Variants in DTWD2 observed in about 807,000 individuals in gnomAD.
DTWD2 encodes DTW motif tRNA-uridine aminocarboxypropyltransferase 2, also known as tRNA-uridine aminocarboxypropyltransferase 2.
A neutral mutation model predicts 31.8 loss-of-function variants in DTWD2; 39 were observed. That is an observed-to-expected ratio of 1.22 (90% CI 0.95 to 1.60). The LOEUF (loss-of-function observed/expected upper bound fraction) is 1.60. Ranked by LOEUF, DTWD2 falls within the 40% of genes most tolerant of loss-of-function variation. The probability of loss-of-function intolerance (pLI) is 0.00; values close to 1 mark genes in which losing one functional copy is unlikely to be tolerated. For synonymous variants in DTWD2, 180 were observed against 142.8 expected (o/e 1.26, Z -1.86); for missense variants, 515 against 381.5 (o/e 1.35, Z -2.92).
chr5:118,918,283 G>A (rs1561455045), intron 4 of DTWD2, among the ~76,000 whole-genome samples: 1 of 152,014 alleles, frequency 6.6e-6, no homozygotes, highest in Non-Finnish European at 1.5e-5. Context: ...ACATCAAATG[G>A]ACAATCTGAC....
chr5:118,927,997 C>T (rs938171357), intron 4 of DTWD2, among the ~76,000 whole-genome samples: 3 of 152,010 alleles, frequency 2.0e-5, no homozygotes, highest in African/African-American at 7.2e-5. Flanking sequence ...TAATAGTTTA[C>T]TCAGTTGAGT....
At chr5:118,881,575 ACT>A (rs1752740819) in intron 4 of DTWD2, among the ~76,000 whole-genome samples, 1 of 152,198 alleles carries the variant, frequency 6.6e-6, no homozygotes, top group Non-Finnish European at 1.5e-5. Flanking sequence ...CTATAAAGAT[ACT>A]ACCTGAGACT....
In DTWD2 at chr5:118,965,359, T is replaced by C. The variant is rs557039147; in HGVS notation, c.219-20710A>G. Among the ~76,000 whole-genome samples the C allele has an allele frequency of 2.9e-4, 43 of 150,260 alleles. 1 individual carries two copies. In the South Asian group the frequency reaches 8.9e-3, roughly 31 times the overall value. ...CCGTCCGGGAGGTGAGGGGCGCCTC[T>C]GCCCGGCCGCCCCTTCTGGGAAGTG... On this transcript the variant is annotated intron_variant, in intron 1 of 5. Transcript: ENST00000510708.
chr5:118,965,656 G>C (rs1754827778), intron 1 of DTWD2, among the ~76,000 whole-genome samples: 2 of 152,178 alleles, frequency 1.3e-5, no homozygotes, highest in South Asian at 4.1e-4. Flanking sequence ...GGTGCTCTCT[G>C]AAACATGTGC....
At chr5:118,842,451 C>T (rs4895354) in intron 5 of DTWD2, among the ~76,000 whole-genome samples, 53,403 of 151,954 alleles carry the variant, frequency 0.35, 11,582 homozygotes, top group African/African-American at 0.62. Context: ...TACTAGGCAA[C>T]AAACATGAAG....
In DTWD2 at chr5:118,839,461, C is replaced by A. The variant is rs1398339989; in HGVS notation, c.*1456G>T. 1 of 152,062 alleles carries A rather than the reference C, an allele frequency of 6.6e-6. No homozygotes were observed. Among genetic ancestry groups the A allele is most frequent in the African/African-American group, 2.4e-5 (1 of 41,478 alleles). 9.4% of individuals were successfully genotyped at this position (152,062 alleles called of 1,614,324 possible). A position where few individuals can be genotyped will look rare whatever the true frequency, so the allele number is the denominator to read the frequency against. The stretch of plus-strand genomic sequence containing the variant: ...CCTTGATGTCCTGGGCTCCAGCGAT[C>A]CTCCCACCTTAGCCTCCCAAGTAGC... On this transcript the variant is annotated 3_prime_UTR_variant, in exon 6 of 6. Transcript: ENST00000510708.
intron 1 of DTWD2, among the ~76,000 whole-genome samples, chr5:118,962,187 G>A (rs993879703): frequency 2.0e-5 from 3 of 152,010 alleles, no homozygotes; most frequent in South Asian, 2.1e-4. Context: ...GTGGTGAGCC[G>A]AGATCACGCC....
chr5:118,970,252 C>T (rs886099122), intron 1 of DTWD2, among the ~76,000 whole-genome samples: 1 of 152,136 alleles, frequency 6.6e-6, no homozygotes, highest in African/African-American at 2.4e-5. Flanking sequence ...CATGGCAAAA[C>T]CCTGTCTCTA....
chr5:118,918,588 G>A (rs183196055), intron 4 of DTWD2, among the ~76,000 whole-genome samples: 13 of 152,182 alleles, frequency 8.5e-5, no homozygotes, highest in African/African-American at 3.1e-4. Context: ...ACCACAGAAG[G>A]CCTGATGAAG....
At chr5:118,953,741 T>C (rs868150854) in intron 1 of DTWD2, among the ~76,000 whole-genome samples, 8 of 152,306 alleles carry the variant, frequency 5.3e-5, no homozygotes, top group Middle Eastern at 3.4e-3. Context: ...GCTGGACTGC[T>C]ATGCCAGACT....
intron 1 of DTWD2, among the ~76,000 whole-genome samples, chr5:118,970,500 G>A (rs1327141787): frequency 5.9e-5 from 9 of 152,108 alleles, no homozygotes; most frequent in Non-Finnish European, 1.0e-4. Context: ...GAAAAGGACC[G>A]AACCTACAAC....
intron 3 of DTWD2, among the ~76,000 whole-genome samples, chr5:118,936,765 A>G (rs753627036): frequency 1.3e-5 from 2 of 152,166 alleles, no homozygotes; most frequent in African/African-American, 2.4e-5. Flanking sequence ...AATTGACAAT[A>G]AAGAGTAGAA....
At position 118,836,272 on chromosome 5, in the gene DTWD2, A is replaced by ACT. The variant is rs1381902776; in HGVS notation, c.*4643_*4644dup. 6.6e-6 allele frequency among the ~76,000 whole-genome samples: 1 copy of ACT among 152,016 alleles called. No homozygotes were observed. The highest frequency in any genetic ancestry group is 1.5e-5 in the Non-Finnish European group (1 of 68,006). ...ATTTATTTATTTGAGACACTGTCTC[A>ACT]CTCTGTCGCCCAGGCTAGAGTGCAG... On this transcript the variant is annotated 3_prime_UTR_variant, in exon 6 of 6. Coordinates refer to ENST00000510708, the MANE Select transcript of DTWD2 (RefSeq NM_173666.4).
chr5:118,946,721 A>G (rs921368862), intron 1 of DTWD2, among the ~76,000 whole-genome samples: 16 of 152,070 alleles, frequency 1.1e-4, no homozygotes, highest in Admixed American at 2.0e-4. Flanking sequence ...TAAGTCTACA[A>G]ACATTAGCTT....
At chr5:118,859,645 T>C (rs1379507591) in intron 4 of DTWD2, among the ~76,000 whole-genome samples, 20 of 152,192 alleles carry the variant, frequency 1.3e-4, no homozygotes. Context: ...TTTATGTAAA[T>C]GATTTATTAA....
At chr5:118,987,960 T>C (rs1475647228) in intron 1 of DTWD2, among the ~76,000 whole-genome samples, 2 of 152,230 alleles carry the variant, frequency 1.3e-5, no homozygotes, top group East Asian at 1.9e-4. Context: ...GCCACTTAAA[T>C]ATGACTGTGT....
At position 118,971,123 on chromosome 5, in the gene DTWD2, C is replaced by A. The variant is rs548816208; in HGVS notation, c.218+17171G>T. Among the ~76,000 whole-genome samples, 155 of 152,256 alleles carry A rather than the reference C, an allele frequency of 1.0e-3. 1 individual carries two copies. The highest frequency in any genetic ancestry group is 3.6e-3 in the African/African-American group (151 of 41,552). The stretch of plus-strand genomic sequence containing the variant: ...CTAGCTTCATGATGACAGGATCAAA[C>A]TCACACATAACAATATTAACCTTAA... On this transcript the variant is annotated intron_variant, in intron 1 of 5. Coordinates refer to ENST00000510708, the MANE Select transcript of DTWD2 (RefSeq NM_173666.4).
In DTWD2 at chr5:118,893,489, T is replaced by C. The variant is rs145236025; in HGVS notation, c.597+35048A>G. Reference sequence around the variant, plus strand: ...AGAAGCCAATGAAATTGATTACCCATAGAGGATATGTGGAAATAAGAAAGA... The same window carrying C: ...AGAAGCCAATGAAATTGATTACCCACAGAGGATATGTGGAAATAAGAAAGA... On this transcript the variant is annotated intron_variant, in intron 4 of 5. Transcript: ENST00000510708. Among the ~76,000 whole-genome samples the C allele has an allele frequency of 3.6e-3, 538 of 151,366 alleles. 3 individuals are homozygous for C. Among genetic ancestry groups the C allele is most frequent in the African/African-American group, 0.012 (503 of 41,242 alleles).
In DTWD2 at chr5:118,988,536, G is replaced by A. The variant is rs771431567; in HGVS notation, c.-25C>T. ...TGGCGGACACTCCGGTCAGGCCGTG[G>A]CATTGAAGCCCGGCTGCCGCCGGGG... On this transcript the variant is annotated 5_prime_UTR_variant, in exon 1 of 6. Coordinates refer to ENST00000510708, the MANE Select transcript of DTWD2 (RefSeq NM_173666.4). 2.7e-6 allele frequency: 4 copies of A among 1,495,288 alleles called. No homozygotes were observed. The highest frequency in any genetic ancestry group is 1.3e-5 in the South Asian group (1 of 76,412). 92.6% of individuals were successfully genotyped at this position (1,495,288 alleles called of 1,614,324 possible). A position where few individuals can be genotyped will look rare whatever the true frequency, so the allele number is the denominator to read the frequency against.
Sources: gnomAD v4.1 joint callset for allele counts (sites outside exome capture counted in the v4.1 genomes callset) on GRCh38, gnomAD v4.1.1 for gene constraint, MANE v1.5 for transcripts, NCBI Gene and HGNC (gene_info 2026-07-23, HGNC 2026-07-21) for gene names.